Variants in MELK observed in about 807,000 individuals in gnomAD.
The protein encoded by MELK is maternal embryonic leucine zipper kinase.
A neutral mutation model predicts 85.0 loss-of-function variants in MELK; 81 were observed. The observed-to-expected ratio is 0.95, with a 90% CI of 0.80 to 1.15. The LOEUF (loss-of-function observed/expected upper bound fraction) is 1.15, where lower values mean the gene tolerates loss of function less well. Among genes scored for constraint, MELK ranks in the 50% most tolerant of loss-of-function variants. The pLI, the probability that MELK is intolerant of heterozygous loss-of-function variation, is 0.00. For missense variants in MELK, 754 were observed against 777.5 expected (o/e 0.97, Z 0.36); for synonymous variants, 252 against 265.0 (o/e 0.95, Z 0.48).
chr9:36,605,677 A>G (rs149694295), intron 7 of MELK, among the ~76,000 whole-genome samples: 1 of 151,928 alleles, frequency 6.6e-6, no homozygotes, highest in East Asian at 1.9e-4. Flanking sequence ...GAGACGTCAT[A>G]GTAGAGTCCT....
chr9:36,654,359 T>TTC (rs1371991560), intron 12 of MELK, among the ~76,000 whole-genome samples: 1 of 136,732 alleles, frequency 7.3e-6, no homozygotes, highest in African/African-American at 3.0e-5. Context: ...CTTTTTTTTT[T>TTC]TTTTTTTTTT....
intron 10 of MELK, among the ~76,000 whole-genome samples, chr9:36,639,957 G>A (rs1259021790): frequency 2.6e-5 from 4 of 152,198 alleles, no homozygotes; most frequent in Non-Finnish European, 5.9e-5. Context: ...AGGTATTAAG[G>A]TGTCTAGGCT....
chr9:36,648,480 C>T (rs767995158), intron 11 of MELK, among the ~76,000 whole-genome samples: 5 of 151,852 alleles, frequency 3.3e-5, no homozygotes, highest in Admixed American at 6.6e-5. Context: ...CCTCCTCTTC[C>T]GCATCCTGGC....
At chr9:36,616,024 CCCCGCGGGG>C (rs1233934224) in intron 8 of MELK, among the ~76,000 whole-genome samples, 5 of 152,244 alleles carry the variant, frequency 3.3e-5, no homozygotes, top group African/African-American at 1.2e-4. Context: ...TGCCCTCGGG[CCCCGCGGGG>C]CCCGTCCGCT....
chr9:36,588,965 T>C (rs1350399173), intron 3 of MELK, among the ~76,000 whole-genome samples: 1 of 152,172 alleles, frequency 6.6e-6, no homozygotes, highest in Non-Finnish European at 1.5e-5. Flanking sequence ...TCATTTTCCT[T>C]GTTTGGAATG....
chr9:36,637,706 T>C (rs1829348873), intron 10 of MELK, among the ~76,000 whole-genome samples: 1 of 152,138 alleles, frequency 6.6e-6, no homozygotes, highest in African/African-American at 2.4e-5. Flanking sequence ...ATCACACCAA[T>C]GTAAATATCC....
At chr9:36,616,230 A>G (rs1013253501) in intron 8 of MELK, among the ~76,000 whole-genome samples, 3 of 152,170 alleles carry the variant, frequency 2.0e-5, no homozygotes, top group Non-Finnish European at 4.4e-5. Context: ...TAACACATAT[A>G]TAGATTCATA....
intron 13 of MELK, among the ~76,000 whole-genome samples, chr9:36,660,499 T>G (rs1457606013): frequency 6.6e-6 from 1 of 151,974 alleles, no homozygotes; most frequent in Non-Finnish European, 1.5e-5. Flanking sequence ...TACAAAATTA[T>G]TTTGTAGAGA....
At chr9:36,645,866 G>A (rs1047311305) in intron 11 of MELK, among the ~76,000 whole-genome samples, 5 of 152,114 alleles carry the variant, frequency 3.3e-5, no homozygotes, top group African/African-American at 7.2e-5. Context: ...TTTTAGCCGC[G>A]AAGACTCTCA....
At chr9:36,588,462 C>T (rs11999475) in intron 3 of MELK, among the ~76,000 whole-genome samples, 311 of 136,402 alleles carry the variant, frequency 2.3e-3, no homozygotes, top group Middle Eastern at 9.3e-3. Flanking sequence ...TCACCGCAAC[C>T]TCCACCTCCT....
At chr9:36,618,501 T>G (rs1346612282) in intron 8 of MELK, among the ~76,000 whole-genome samples, 3 of 152,156 alleles carry the variant, frequency 2.0e-5, no homozygotes, top group Non-Finnish European at 2.9e-5. Flanking sequence ...ATAGTGTATA[T>G]AAGTCCTTAT....
chr9:36,593,773 C>T (rs1823892856), intron 4 of MELK, among the ~76,000 whole-genome samples: 2 of 152,142 alleles, frequency 1.3e-5, no homozygotes, highest in African/African-American at 4.8e-5. Flanking sequence ...CTCACTGCAA[C>T]CTCTGCCTCC....
intron 11 of MELK, among the ~76,000 whole-genome samples, chr9:36,649,870 A>C (rs980678434): frequency 1.3e-5 from 2 of 152,196 alleles, no homozygotes; most frequent in African/African-American, 4.8e-5. Flanking sequence ...GGATTGGTTG[A>C]GGCCAGGAGT....
chr9:36,594,613 C>T lies in MELK; in HGVS notation c.262-15C>T. The T allele has an allele frequency of 3.1e-6, 5 of 1,606,432 alleles. No homozygotes were observed. The highest frequency in any genetic ancestry group is 4.2e-6 in the Non-Finnish European group (5 of 1,177,294). ...TTAAGTTGTAACAATATCTGTGATT[C>T]CATTGCTGTTGAAGTACTGCCCTGG... On this transcript the variant is annotated splice_polypyrimidine_tract_variant and intron_variant, in intron 4 of 17. Coordinates refer to ENST00000298048, the MANE Select transcript of MELK (RefSeq NM_014791.4).
intron 8 of MELK, among the ~76,000 whole-genome samples, chr9:36,616,072 T>C (rs1826740404): frequency 6.6e-6 from 1 of 152,120 alleles, no homozygotes; most frequent in African/African-American, 2.4e-5. Flanking sequence ...CGGGCGGCGC[T>C]CGCCGGCGCG....
At chr9:36,615,763 T>C (rs1480530628) in intron 8 of MELK, among the ~76,000 whole-genome samples, 4 of 142,964 alleles carry the variant, frequency 2.8e-5, no homozygotes, top group African/African-American at 5.4e-5. Flanking sequence ...GATGGGCGGC[T>C]GGGCAGAGAC....
At chr9:36,649,862 AT>A (rs1377321943) in intron 11 of MELK, among the ~76,000 whole-genome samples, 2 of 152,140 alleles carry the variant, frequency 1.3e-5, no homozygotes, top group Non-Finnish European at 2.9e-5. Context: ...AGATGGGAGG[AT>A]TGGTTGAGGC....
chr9:36,588,879 G>T (rs565336794), intron 3 of MELK, among the ~76,000 whole-genome samples: 16 of 152,180 alleles, frequency 1.1e-4, no homozygotes, highest in African/African-American at 3.9e-4. Context: ...CTGGTTTTTT[G>T]CTCAGCATGC....
chr9:36,606,177 GTCTC>G (rs556188679), intron 7 of MELK, among the ~76,000 whole-genome samples: 55 of 149,838 alleles, frequency 3.7e-4, no homozygotes, highest in African/African-American at 5.6e-4. Context: ...AATTTCTAGT[GTCTC>G]TCTCTCTCTC....
Sources: allele counts gnomAD v4.1 joint callset (sites outside exome capture counted in the v4.1 genomes callset), GRCh38; gene constraint gnomAD v4.1.1; transcripts MANE v1.5; gene names NCBI Gene and HGNC (gene_info 2026-07-23, HGNC 2026-07-21).